Variants in ITGA4 observed in about 807,000 individuals in gnomAD.
The protein encoded by ITGA4 is integrin subunit alpha 4.
A neutral mutation model predicts 133.6 loss-of-function variants in ITGA4; 63 were observed. The ratio of observed to expected loss-of-function variants is 0.47; its 90% CI spans 0.38 to 0.58. The LOEUF (loss-of-function observed/expected upper bound fraction) is 0.58, where lower values mean the gene tolerates loss of function less well. Ranked by LOEUF, ITGA4 falls within the 20% of genes least tolerant of loss-of-function variation. The pLI, the probability that ITGA4 is intolerant of heterozygous loss-of-function variation, is 0.00. For missense variants in ITGA4, 1,076 were observed against 1,252.7 expected (o/e 0.86, Z 2.13); for synonymous variants, 483 against 438.0 (o/e 1.10, Z -1.28).
rs199533309 is a variant in ITGA4 at position 181,536,688 on chromosome 2, A to AATATTTTTATAGTTTG, written c.*1162_*1177dup. On this transcript the variant is annotated 3_prime_UTR_variant, in exon 28 of 28. Transcript: ENST00000397033. ...ACAGCAAAATTTTCATGAAATGTAA[A>AATATTTTTATAGTTTG]ATATTTTTATAGTTTGTTCATACTA... 9.0e-3 allele frequency: 1,581 copies of AATATTTTTATAGTTTG among 176,060 alleles called. 10 individuals are homozygous for AATATTTTTATAGTTTG. Among genetic ancestry groups the AATATTTTTATAGTTTG allele is most frequent in the Non-Finnish European group, 0.014 (1,105 of 81,798 alleles). The allele number at this position is 176,060 out of a possible 1,614,324, so 10.9% of individuals were successfully genotyped here. A position where few individuals can be genotyped will look rare whatever the true frequency, so the allele number is the denominator to read the frequency against.
At chr2:181,467,476 A>G (rs1004888764) in intron 2 of ITGA4, among the ~76,000 whole-genome samples, 1 of 152,164 alleles carries the variant, frequency 6.6e-6, no homozygotes, top group African/African-American at 2.4e-5. Context: ...TTTCACTAGC[A>G]CTGTCAAAAG....
At chr2:181,497,007 T>C (rs1265330841) in intron 14 of ITGA4, among the ~76,000 whole-genome samples, 9 of 152,188 alleles carry the variant, frequency 5.9e-5, no homozygotes, top group African/African-American at 9.6e-5. Context: ...TAGATCAGAC[T>C]CATTTTTAAT....
In ITGA4 at chr2:181,482,510, A is replaced by T. The variant is rs1454243603; in HGVS notation, c.904-4A>T. ...ATGAGTGGATCTGGTTTGTTTTGGG[A>T]CAGCTTGGATCGTACTTTGGAGCTT... On this transcript the variant is annotated splice_polypyrimidine_tract_variant and splice_region_variant and intron_variant, in intron 8 of 27. Transcript: ENST00000397033. 1 of 1,613,510 alleles carries T rather than the reference A, an allele frequency of 6.2e-7. No homozygotes were observed. The highest frequency in any genetic ancestry group is 8.5e-7 in the Non-Finnish European group (1 of 1,179,740).
At position 181,494,711 on chromosome 2, in the gene ITGA4, C is replaced by T. The variant is rs1367691117; in HGVS notation, c.1249-11C>T. 6.7e-7 allele frequency: 1 copy of T among 1,492,530 alleles called. No homozygotes were observed. 92.5% of individuals were successfully genotyped at this position (1,492,530 alleles called of 1,614,324 possible). ...AAAAACTACTTCCCACTCAACTTTC[C>T]TATTTTTCAGAGAATTGAAGGACTT... On this transcript the variant is annotated splice_polypyrimidine_tract_variant and intron_variant, in intron 11 of 27. Coordinates refer to ENST00000397033, the MANE Select transcript of ITGA4 (RefSeq NM_000885.6).
chr2:181,520,439 T>C (rs990016252), intron 17 of ITGA4, among the ~76,000 whole-genome samples: 1 of 152,020 alleles, frequency 6.6e-6, no homozygotes, highest in Non-Finnish European at 1.5e-5. Flanking sequence ...AACTCTTATC[T>C]TGAAGGCAAT....
chr2:181,531,556 CAA>C, intron 24 of ITGA4, 99 bp from the exon 25 acceptor site: 2 of 500,482 alleles, frequency 4.0e-6, no homozygotes, highest in Non-Finnish European at 6.4e-6. Context: ...AGATGATTTT[CAA>C]AATGCCATTA....
At chr2:181,514,760 A>G (rs192315943) in intron 17 of ITGA4, among the ~76,000 whole-genome samples, 1 of 152,212 alleles carries the variant, frequency 6.6e-6, no homozygotes, top group African/African-American at 2.4e-5. Context: ...CTGGCCTATG[A>G]GAAAATGAGA....
At position 181,457,668 on chromosome 2, in the gene ITGA4, C is replaced by A. The variant is rs533750590; in HGVS notation, c.14C>A (p.Ala5Glu). The change falls in exon 1 of 28, where the codon GCG (alanine) becomes GAG (glutamate). Residue 5 changes from alanine to glutamate, a missense_variant. Ala to Glu is a moderately radical substitution (Grantham distance 107). Transcript: ENST00000397033. MAWE[A>E]RREPGPRRAA... ...CACCGAGAGCGCATGGCTTGGGAAG[C>A]GAGGCGCGAACCCGGCCCCCGAAGG... 5.6e-6 allele frequency: 9 copies of A among 1,610,176 alleles called. No individual in the cohort carries two copies. Among genetic ancestry groups the A allele is most frequent in the South Asian group, 2.2e-5 (2 of 90,528 alleles).
chr2:181,483,558 C>T (rs927803484), intron 9 of ITGA4, among the ~76,000 whole-genome samples: 1 of 152,138 alleles, frequency 6.6e-6, no homozygotes, highest in African/African-American at 2.4e-5. Flanking sequence ...TCAGACTAAA[C>T]TCTACAATTT....
intron 22 of ITGA4, among the ~76,000 whole-genome samples, chr2:181,528,975 A>G (rs1410869210): frequency 6.6e-6 from 1 of 152,242 alleles, no homozygotes; most frequent in Non-Finnish European, 1.5e-5. Context: ...TGAATGCATC[A>G]GCATATAGAT....
rs567856887 is a variant in ITGA4, at chr2:181,494,815, G to A, written c.1339+3G>A. ...TGCAGATAATAATGGCTATGTAGGT[G>A]AGTAATTAGTTTATCATAATTTATA... On this transcript the variant is annotated splice_donor_region_variant and intron_variant, in intron 12 of 27. Coordinates refer to ENST00000397033, the MANE Select transcript of ITGA4 (RefSeq NM_000885.6). The A allele has an allele frequency of 1.3e-5, 18 of 1,406,632 alleles. No individual in the cohort carries two copies. The Admixed American group carries it at 2.8e-4, about 22-fold the overall frequency. 87.1% of individuals were successfully genotyped at this position (1,406,632 alleles called of 1,614,324 possible).
At chr2:181,475,094 C>G (rs537730254) in intron 3 of ITGA4, 28 bp downstream of exon 3, 1 of 1,612,944 alleles carries the variant, frequency 6.2e-7, no homozygotes, top group East Asian at 2.2e-5. Flanking sequence ...TCCACAGATC[C>G]ATCGTGAAAT....
rs748797390 is a variant in ITGA4, at chr2:181,523,582, T to G, written c.2169+50T>G. The G allele has an allele frequency of 4.9e-6, 5 of 1,019,994 alleles. No individual in the cohort carries two copies. Among genetic ancestry groups the G allele is most frequent in the Non-Finnish European group, 7.7e-6 (5 of 651,484 alleles). The allele number at this position is 1,019,994 out of a possible 1,614,324, so 63.2% of individuals were successfully genotyped here. A position where few individuals can be genotyped will look rare whatever the true frequency, so the allele number is the denominator to read the frequency against. On this transcript the variant is annotated intron_variant, in intron 19 of 27. Transcript: ENST00000397033. The surrounding 1 kb of genome is among the most constrained non-coding windows in gnomAD (Gnocchi z 4.2). ...TTGTTCACTATCATGAATATTTTTT[T>G]CTATTCTTCCCTATCTTTAGGTTGC... is the stretch of plus-strand genomic sequence containing the variant.
intron 17 of ITGA4, among the ~76,000 whole-genome samples, chr2:181,518,504 A>G (rs543733764): frequency 1.3e-5 from 2 of 152,258 alleles, no homozygotes; most frequent in African/African-American, 4.8e-5. Context: ...ATAGATTTCA[A>G]TTAAATATGG....
rs192968677 is a variant in ITGA4, at chr2:181,523,948, C to T, written c.2170-223C>T. 2.0e-4 allele frequency among the ~76,000 whole-genome samples: 30 copies of T among 152,234 alleles called. 1 individual carries two copies. The highest frequency in any genetic ancestry group is 3.4e-3 in the Middle Eastern group (1 of 294). On this transcript the variant is annotated intron_variant, in intron 19 of 27. Coordinates refer to ENST00000397033, the MANE Select transcript of ITGA4 (RefSeq NM_000885.6). The surrounding 1 kb of genome is among the most constrained non-coding windows in gnomAD (Gnocchi z 4.2). The stretch of plus-strand genomic sequence containing the variant: ...ACTTGCCTGCGTTCACATTCAGAGA[C>T]GTCTTTGTCTCTGAATGTTACGTGT...
chr2:181,526,832 T>TTTTTTTTTTTTTTTTTTTTTTTTTTG, intron 21 of ITGA4, among the ~76,000 whole-genome samples: 1 of 94,204 alleles, frequency 1.1e-5, no homozygotes, highest in Non-Finnish European at 2.0e-5. Context: ...TTTTTTTTTT[T>TTTTTTTTTTTTTTTTTTTTTTTTTTG]TTTTTTTTTT....
intron 27 of ITGA4, among the ~76,000 whole-genome samples, 194 bp from the exon 28 acceptor site, chr2:181,535,238 A>C (rs181016243): frequency 1.8e-4 from 27 of 152,282 alleles, no homozygotes; most frequent in African/African-American, 6.5e-4. Context: ...TGCATTAAAA[A>C]CAAAAATGTT....
rs576509517 is a variant in ITGA4 at position 181,538,385 on chromosome 2, G to A, written c.*2858G>A. 1.1e-5 allele frequency: 7 copies of A among 614,066 alleles called. No individual in the cohort carries two copies. The East Asian group carries it at 1.4e-4, about 12-fold the overall frequency. The allele number at this position is 614,066 out of a possible 1,614,324, so 38.0% of individuals were successfully genotyped here. On this transcript the variant is annotated 3_prime_UTR_variant, in exon 28 of 28. Transcript: ENST00000397033. ...CAACAGAGCTGTAATCTAGAAAACTGAGAAGGTCTGATTGATAAATCATCA... is the reference window on the plus strand; with the variant it reads ...CAACAGAGCTGTAATCTAGAAAACTAAGAAGGTCTGATTGATAAATCATCA...
chr2:181,478,679 T>A, intron 4 of ITGA4, 78 bp from the exon 5 acceptor site: 1 of 607,478 alleles, frequency 1.6e-6, no homozygotes, highest in Non-Finnish European at 2.8e-6. Context: ...AGGACATTTT[T>A]GTAAGGATTT....
Sources: gnomAD v4.1 joint callset for allele counts (sites outside exome capture counted in the v4.1 genomes callset) on GRCh38, gnomAD v4.1.1 for gene constraint, Gnocchi (gnomAD v3.1) non-coding constraint, MANE v1.5 for transcripts, NCBI Gene and HGNC (gene_info 2026-07-23, HGNC 2026-07-21) for gene names.